Variants in TTLL8 observed in about 807,000 individuals in gnomAD.
TTLL8 encodes the protein protein monoglycylase TTLL8.
A neutral mutation model predicts 77.8 loss-of-function variants in TTLL8; 65 were observed. The ratio of observed to expected loss-of-function variants is 0.84; its 90% CI spans 0.68 to 1.03. The LOEUF (loss-of-function observed/expected upper bound fraction) is 1.03. Among genes scored for constraint, TTLL8 ranks in the 50% least tolerant of loss-of-function variants. The pLI is 0.00. For synonymous variants in TTLL8, 402 were observed against 422.8 expected (o/e 0.95, Z 0.60); for missense variants, 910 against 1,004.5 (o/e 0.91, Z 1.27).
upstream of TTLL8, chr22:50,056,750 A>G (rs2061472893): frequency 2.3e-6 from 3 of 1,280,490 alleles, no homozygotes; most frequent in Admixed American, 4.6e-5. This position sits in a 1 kb window ranked among gnomAD's most constrained non-coding sequence, Gnocchi z 4.1. Context: ...TCTGCAGCTC[A>G]GTGAAGTGCC....
intron 8 of TTLL8, among the ~76,000 whole-genome samples, chr22:50,035,634 G>A (rs6010236): frequency 6.6e-6 from 1 of 152,202 alleles, no homozygotes; most frequent in African/African-American, 2.4e-5. Flanking sequence ...ACCGGGCACA[G>A]CCAGCCCCCC....
At chr22:50,050,375 CT>C (rs137913) in intron 1 of TTLL8, 128 bp from the exon 4 acceptor site, 227,338 of 357,682 alleles carry the variant, frequency 0.64, 52,724 homozygotes, top group African/African-American at 0.85. Context: ...CCAATATGTC[CT>C]TTTTTTTTTT....
upstream of TTLL8, chr22:50,054,743 T>G (rs2061462062): frequency 5.7e-6 from 1 of 175,444 alleles, no homozygotes; most frequent in Non-Finnish European, 1.4e-5. Context: ...ATTGCTTCTT[T>G]CTAAAGTACG....
chr22:50,020,081 A>T (rs572349773), intron 12 of TTLL8, among the ~76,000 whole-genome samples: 1 of 152,370 alleles, frequency 6.6e-6, no homozygotes, highest in African/African-American at 2.4e-5. Flanking sequence ...AGAAAATGAA[A>T]TATGTCAACA....
intron 10 of TTLL8, 33 bp downstream of exon 11, chr22:50,033,169 G>A: frequency 7.7e-7 from 1 of 1,301,514 alleles, no homozygotes; most frequent in Non-Finnish European, 1.0e-6. Flanking sequence ...CCATTCCCTG[G>A]CCCGAGGTGT....
At chr22:50,031,794 C>T (rs751676386) in exon 11 of TTLL8, 23 of 1,366,652 alleles carry the variant, frequency 1.7e-5, no homozygotes, top group Admixed American at 5.7e-5. Flanking sequence ...CCGGCGTGGA[C>T]GGGTGCATGG....
At chr22:50,042,366 G>A (rs1355315157) in intron 6 of TTLL8, among the ~76,000 whole-genome samples, 1 of 151,906 alleles carries the variant, frequency 6.6e-6, no homozygotes, top group African/African-American at 2.4e-5. Context: ...GCCCAGGCTG[G>A]ATGGCAAGAT....
upstream of TTLL8, among the ~76,000 whole-genome samples, chr22:50,058,044 G>A (rs1320389441): frequency 4.6e-5 from 7 of 151,560 alleles, no homozygotes; most frequent in Admixed American, 3.9e-4. This position sits in a 1 kb window ranked among gnomAD's most constrained non-coding sequence, Gnocchi z 4.2. Context: ...CTGGGTTTCC[G>A]GGTGTGGGAG....
chr22:50,028,561 C>A (rs548449356), intron 12 of TTLL8, among the ~76,000 whole-genome samples: 3 of 151,972 alleles, frequency 2.0e-5, no homozygotes, highest in Non-Finnish European at 4.4e-5. Flanking sequence ...GCAACACCTG[C>A]GTGCCGTCAT....
intron 12 of TTLL8, among the ~76,000 whole-genome samples, chr22:50,026,471 C>G (rs1186867726): frequency 6.7e-6 from 1 of 148,578 alleles, no homozygotes; most frequent in East Asian, 1.9e-4. Flanking sequence ...GCCACCACCT[C>G]AGAGTGGAGG....
intron 12 of TTLL8, among the ~76,000 whole-genome samples, chr22:50,018,735 C>T (rs940256351): frequency 6.6e-5 from 10 of 152,174 alleles, no homozygotes; most frequent in South Asian, 4.1e-4. Flanking sequence ...CAATGTTCGG[C>T]GGGAGAGTGG....
At position 50,041,497 on chromosome 22, in the gene TTLL8, AT is replaced by A; in HGVS notation, c.830+123del. The A allele has an allele frequency of 8.2e-7, 1 of 1,212,614 alleles. No individual in the cohort carries two copies. The highest frequency in any genetic ancestry group is 5.9e-5 in the East Asian group (1 of 17,088). 75.1% of individuals were successfully genotyped at this position (1,212,614 alleles called of 1,614,324 possible). On this transcript the variant is annotated intron_variant, in intron 7 of 13. Transcript: ENST00000266182. This position sits in a 1 kb window ranked among gnomAD's most constrained non-coding sequence, Gnocchi z 4.3. ...GCCAGGACAGGCATCTCAACACTCAATACCCCACAGGTAGCCTAATGCCCAG... is the reference window on the plus strand; with the variant it reads ...GCCAGGACAGGCATCTCAACACTCAAACCCCACAGGTAGCCTAATGCCCAG...
intron 3 of TTLL8, 107 bp from the exon 6 acceptor site, chr22:50,047,403 G>T (rs1364960053): frequency 2.1e-6 from 2 of 930,694 alleles, no homozygotes; most frequent in Non-Finnish European, 3.0e-6. Context: ...GCAGCGTGAG[G>T]ATCCCAGCCG....
intron 12 of TTLL8, 37 bp downstream of exon 13, chr22:50,030,393 C>T (rs760026650): frequency 3.1e-6 from 4 of 1,279,944 alleles, no homozygotes; most frequent in East Asian, 1.1e-4. Context: ...GCAGGCGGCC[C>T]CCAAGCCCAC....
chr22:50,056,393 G>T (rs929804603), upstream of TTLL8, among the ~76,000 whole-genome samples: 1 of 152,150 alleles, frequency 6.6e-6, no homozygotes, highest in Admixed American at 6.5e-5. The surrounding 1 kb of genome is among the most constrained non-coding windows in gnomAD (Gnocchi z 4.1). Context: ...CACCCACTGC[G>T]GGTGGGGACG....
chr22:50,051,616 T>C (rs2061444028), intron 1 of TTLL8, among the ~76,000 whole-genome samples: 1 of 152,198 alleles, frequency 6.6e-6, no homozygotes, highest in African/African-American at 2.4e-5. Flanking sequence ...GTCCACGCTG[T>C]TTTCCACAGT....
chr22:50,030,490 G>T, exon 12 of TTLL8: 1 of 1,343,352 alleles, frequency 7.4e-7, no homozygotes. Flanking sequence ...CGCAGCACAG[G>T]CTCCAGCGGG....
intron 4 of TTLL8, among the ~76,000 whole-genome samples, chr22:50,046,279 C>A: frequency 6.6e-6 from 1 of 152,178 alleles, no homozygotes; most frequent in East Asian, 1.9e-4. Flanking sequence ...GGCACTGGGG[C>A]TCCCTCCAGG....
Position 50,022,318 on chromosome 22 carries a change from G to A in TTLL8, c.2204-5756C>T, listed in dbSNP as rs534530443. 2.2e-4 allele frequency among the ~76,000 whole-genome samples: 26 copies of A among 119,394 alleles called. No homozygotes were observed. In the East Asian group the frequency reaches 3.9e-3, roughly 18 times the overall value. The allele number at this position is 119,394 out of a possible 152,430, so 78.3% of individuals were successfully genotyped here. A position where few individuals can be genotyped will look rare whatever the true frequency, so the allele number is the denominator to read the frequency against. On this transcript the variant is annotated intron_variant, in intron 12 of 13. Transcript: ENST00000266182. ...TCCTCCATCTGATGCACACTCCTCC[G>A]ACGACGTGCACTCCTCCATCTGACA...
Sources: allele counts gnomAD v4.1 joint callset (sites outside exome capture counted in the v4.1 genomes callset), GRCh38; gene constraint gnomAD v4.1.1; non-coding constraint Gnocchi (gnomAD v3.1); transcripts MANE v1.5; gene names NCBI Gene and HGNC (gene_info 2026-07-23, HGNC 2026-07-21).